PDE10A: variants seen among roughly 807,000 people sequenced by gnomAD.
PDE10A encodes cAMP and cAMP-inhibited cGMP 3',5'-cyclic phosphodiesterase 10A.
PDE10A carries 39 observed loss-of-function variants against 97.7 expected under a neutral mutation model. The observed-to-expected ratio is 0.40, with a 90% confidence interval of 0.31 to 0.52. The LOEUF (loss-of-function observed/expected upper bound fraction) is 0.52, where lower values mean the gene tolerates loss of function less well. PDE10A is among the 20% of genes least tolerant of loss of function. The pLI, the probability that PDE10A is intolerant of heterozygous loss-of-function variation, is 0.56. For missense variants in PDE10A, 731 were observed against 1,047.8 expected, an observed-to-expected ratio of 0.70 and a Z score of 4.17; for synonymous variants, 371 against 376.8, an observed-to-expected ratio of 0.98 and a Z score of 0.18.
intron 18 of PDE10A, among the ~76,000 whole-genome samples, chr6:165,346,998 C>A (rs1429588475): frequency 6.6e-6 from 1 of 151,944 alleles, no homozygotes; most frequent in African/African-American, 2.4e-5. Context: ...TGTCATCTAG[C>A]CTCATTTTAA....
At chr6:165,764,834 G>A (rs573251673) in intron 1 of PDE10A, among the ~76,000 whole-genome samples, 24 of 152,252 alleles carry the variant, frequency 1.6e-4, no homozygotes, top group African/African-American at 5.5e-4. Flanking sequence ...CGAGCGGGTT[G>A]CCACTGCTGG....
chr6:165,691,200 T>A (rs796143118), intron 1 of PDE10A, among the ~76,000 whole-genome samples: 2,350 of 26,028 alleles, frequency 0.09, 115 homozygotes, highest in African/African-American at 0.16. Flanking sequence ...TCTCTCTCTC[T>A]CCCCACACAC....
At chr6:165,956,015 T>C (rs1784125720) in intron 1 of PDE10A, among the ~76,000 whole-genome samples, 1 of 152,234 alleles carries the variant, frequency 6.6e-6, no homozygotes, top group Non-Finnish European at 1.5e-5. Context: ...TGGAAACATC[T>C]GTAAACTGCC....
chr6:165,551,056 T>C (rs897984950), intron 1 of PDE10A, among the ~76,000 whole-genome samples: 1 of 152,206 alleles, frequency 6.6e-6, no homozygotes, highest in African/African-American at 2.4e-5. Flanking sequence ...AAAACGTATC[T>C]TGTGTCATAC....
Position 165,615,142 on chromosome 6 carries a change from G to A in PDE10A, c.865+46805C>T, listed in dbSNP as rs535931035. On this transcript the variant is annotated intron_variant, in intron 1 of 21. Transcript: ENST00000539869. ...GGAGAATTGCTTGAACCCAGGAGGC[G>A]GAGGTTGCAGTGAGCCGAGATCACA... Among the ~76,000 whole-genome samples, 33 of 149,904 alleles carry A rather than the reference G, an allele frequency of 2.2e-4. No individual in the cohort carries two copies. In the East Asian group the frequency reaches 3.2e-3, roughly 14 times the overall value.
chr6:165,772,275 T>G (rs2128460082), intron 1 of PDE10A, among the ~76,000 whole-genome samples: 1 of 152,288 alleles, frequency 6.6e-6, no homozygotes, highest in South Asian at 2.1e-4. Flanking sequence ...GGGATGCATG[T>G]CCGTTATTAA....
intron 1 of PDE10A, among the ~76,000 whole-genome samples, chr6:165,794,584 C>T (rs967741808): frequency 2.6e-5 from 4 of 151,966 alleles, no homozygotes; most frequent in Non-Finnish European, 5.9e-5. Flanking sequence ...TTCCTACACA[C>T]ACATATTCAC....
chr6:165,853,907 G>A (rs1267719663), intron 1 of PDE10A, among the ~76,000 whole-genome samples: 2 of 152,198 alleles, frequency 1.3e-5, no homozygotes, highest in African/African-American at 2.4e-5. Flanking sequence ...GCACCCAACC[G>A]CCGAGAAGGC....
chr6:165,482,295 A>G lies in PDE10A; in HGVS notation c.1023+20T>C. Reference sequence around the variant, plus strand: ...CATTTCCTATACTGCAGTAGTAGAAATAATATTCACATCACTTACCCTGCT... The same window carrying G: ...CATTTCCTATACTGCAGTAGTAGAAGTAATATTCACATCACTTACCCTGCT... On this transcript the variant is annotated intron_variant, in intron 3 of 21. Transcript: ENST00000539869. 1 of 1,511,468 alleles carries G rather than the reference A, an allele frequency of 6.6e-7. No homozygotes were observed. The highest frequency in any genetic ancestry group is 9.2e-7 in the Non-Finnish European group (1 of 1,086,648). 93.6% of individuals were successfully genotyped at this position (1,511,468 alleles called of 1,614,324 possible).
intron 18 of PDE10A, among the ~76,000 whole-genome samples, chr6:165,363,770 C>G (rs1054733772): frequency 2.6e-5 from 4 of 152,064 alleles, no homozygotes; most frequent in South Asian, 2.1e-4. Context: ...CAAAATTCCA[C>G]TTACAATATT....
intron 18 of PDE10A, among the ~76,000 whole-genome samples, chr6:165,348,788 T>C (rs1782490373): frequency 6.6e-6 from 1 of 152,138 alleles, no homozygotes; most frequent in African/African-American, 2.4e-5. Flanking sequence ...GTTTCCCCCT[T>C]CCTGTTTTGT....
chr6:165,962,204 G>C (rs1784382425), intron 1 of PDE10A, among the ~76,000 whole-genome samples: 1 of 152,238 alleles, frequency 6.6e-6, no homozygotes, highest in Admixed American at 6.5e-5. Context: ...AGATATCTAT[G>C]TGTTGCTTGG....
At chr6:165,407,606 G>A (rs1002058141) in intron 13 of PDE10A, among the ~76,000 whole-genome samples, 6 of 152,118 alleles carry the variant, frequency 3.9e-5, no homozygotes, top group Non-Finnish European at 7.4e-5. Flanking sequence ...AACGAATAAA[G>A]GTTCAACCAC....
At chr6:165,747,560 T>C (rs1171402001) in intron 1 of PDE10A, among the ~76,000 whole-genome samples, 1 of 152,080 alleles carries the variant, frequency 6.6e-6, no homozygotes, top group Non-Finnish European at 1.5e-5. Flanking sequence ...GCAATTTGGC[T>C]GAAGTCTGTG....
At chr6:165,856,896 G>T (rs1220859553) in intron 1 of PDE10A, among the ~76,000 whole-genome samples, 11 of 152,150 alleles carry the variant, frequency 7.2e-5, no homozygotes. Context: ...GGGATGTGGT[G>T]AATCTCAAGT....
intron 7 of PDE10A, 50 bp downstream of exon 7, chr6:165,432,924 T>C: frequency 1.4e-6 from 2 of 1,400,508 alleles, no homozygotes; most frequent in African/African-American, 1.4e-5. Context: ...GCACCTTCAA[T>C]GAGCTAGGTA....
At chr6:165,878,716 C>T (rs2457985) in intron 1 of PDE10A, among the ~76,000 whole-genome samples, 117,216 of 152,114 alleles carry the variant, frequency 0.77, 45,388 homozygotes, top group East Asian at 0.96. Flanking sequence ...CCTGAGACGG[C>T]GAGATGATCC....
At chr6:165,706,866 T>G (rs576762869) in intron 1 of PDE10A, among the ~76,000 whole-genome samples, 1 of 152,234 alleles carries the variant, frequency 6.6e-6, no homozygotes, top group East Asian at 1.9e-4. Context: ...AACACTATCC[T>G]TAGCCTTCAT....
At chr6:165,719,747 T>C (rs1385653887) in intron 1 of PDE10A, among the ~76,000 whole-genome samples, 1 of 152,224 alleles carries the variant, frequency 6.6e-6, no homozygotes. Flanking sequence ...CTGTCAGTTC[T>C]GGGACAGATC....
Sources: allele counts gnomAD v4.1 joint callset (sites outside exome capture counted in the v4.1 genomes callset), GRCh38; gene constraint gnomAD v4.1.1; transcripts MANE v1.5; gene names NCBI Gene and HGNC (gene_info 2026-07-23, HGNC 2026-07-21).